NDST4: variants seen among roughly 807,000 people sequenced by gnomAD.
The protein encoded by NDST4 is N-heparan sulfate sulfotransferase 4.
NDST4 carries 63 observed loss-of-function variants against 100.8 expected under a neutral mutation model. The ratio of observed to expected loss-of-function variants is 0.62; its 90% CI spans 0.51 to 0.77. The LOEUF (loss-of-function observed/expected upper bound fraction) is 0.77. NDST4 is among the 30% of genes least tolerant of loss of function. The pLI is 0.00. For missense variants in NDST4, 943 were observed against 1,018.4 expected (o/e 0.93, Z 1.01); for synonymous variants, 377 against 361.8 (o/e 1.04, Z -0.48).
chr4:114,833,037 A>G (rs1044355321), intron 12 of NDST4, among the ~76,000 whole-genome samples: 2 of 152,236 alleles, frequency 1.3e-5, no homozygotes, highest in African/African-American at 4.8e-5. Context: ...ATCCTTCTGT[A>G]TCCTGTCTAA....
At position 114,967,907 on chromosome 4, in the gene NDST4, G is replaced by A. The variant is rs536116231; in HGVS notation, c.1221+2523C>T. Reference sequence around the variant, plus strand: ...TACTGTGTGCCAGCCGCTGCTCTAAGCACATTATGTATATCCTCCCAGCAA... The same window carrying A: ...TACTGTGTGCCAGCCGCTGCTCTAAACACATTATGTATATCCTCCCAGCAA... On this transcript the variant is annotated intron_variant, in intron 4 of 13. Transcript: ENST00000264363. Among the ~76,000 whole-genome samples the A allele has an allele frequency of 2.0e-5, 3 of 152,204 alleles. No homozygotes were observed. The South Asian group carries it at 6.2e-4, about 32-fold the overall frequency.
intron 6 of NDST4, among the ~76,000 whole-genome samples, chr4:114,890,969 C>G (rs1453582145): frequency 6.6e-6 from 1 of 152,034 alleles, no homozygotes; most frequent in Non-Finnish European, 1.5e-5. Context: ...CAGGAACTGA[C>G]TCATTAGTTC....
chr4:114,991,536 T>C (rs983779357), intron 2 of NDST4, among the ~76,000 whole-genome samples: 4 of 152,048 alleles, frequency 2.6e-5, no homozygotes, highest in African/African-American at 9.7e-5. Context: ...GGAATACACA[T>C]TGTATATTCA....
intron 3 of NDST4, among the ~76,000 whole-genome samples, chr4:114,973,680 C>T (rs1244218544): frequency 6.6e-6 from 1 of 151,548 alleles, no homozygotes; most frequent in African/African-American, 2.4e-5. Context: ...TTTAAGTCTG[C>T]CAAAATAAGA....
chr4:115,098,026 C>G (rs1729655402), intron 1 of NDST4, among the ~76,000 whole-genome samples: 1 of 152,142 alleles, frequency 6.6e-6, no homozygotes, highest in African/African-American at 2.4e-5. Context: ...AAATTGCAAG[C>G]TCCCTCCTTA....
intron 1 of NDST4, among the ~76,000 whole-genome samples, chr4:115,103,002 C>T (rs567182813): frequency 6.6e-6 from 1 of 152,030 alleles, no homozygotes; most frequent in African/African-American, 2.4e-5. Flanking sequence ...GCCACTGCTC[C>T]CAGCCCCACT....
At chr4:114,874,208 G>C (rs2126198186) in intron 6 of NDST4, among the ~76,000 whole-genome samples, 1 of 152,198 alleles carries the variant, frequency 6.6e-6, no homozygotes, top group Non-Finnish European at 1.5e-5. Context: ...TATATCATAA[G>C]CAGATGTATA....
chr4:115,016,877 G>A lies in NDST4; in HGVS notation c.979-39603C>T, dbSNP rs540169478. Among the ~76,000 whole-genome samples, 5 of 152,122 alleles carry A rather than the reference G, an allele frequency of 3.3e-5. No individual in the cohort carries two copies. In the East Asian group the frequency reaches 9.7e-4, roughly 29 times the overall value. Reference sequence around the variant, plus strand: ...GCTTGCTGAAGGCAAAAAGTATATAGAATGGGCAGTAGAAGAAGGTAGTGA... The same window carrying A: ...GCTTGCTGAAGGCAAAAAGTATATAAAATGGGCAGTAGAAGAAGGTAGTGA... On this transcript the variant is annotated intron_variant, in intron 2 of 13. Coordinates refer to ENST00000264363, the MANE Select transcript of NDST4 (RefSeq NM_022569.3).
intron 2 of NDST4, among the ~76,000 whole-genome samples, chr4:115,044,430 G>A (rs1728421725): frequency 6.6e-6 from 1 of 152,048 alleles, no homozygotes; most frequent in Non-Finnish European, 1.5e-5. Context: ...TAGGGCACAA[G>A]CCCATGTTAA....
intron 1 of NDST4, among the ~76,000 whole-genome samples, chr4:115,091,606 A>G (rs1035712212): frequency 1.3e-5 from 2 of 152,118 alleles, no homozygotes; most frequent in Non-Finnish European, 2.9e-5. Flanking sequence ...TATTGTTCAT[A>G]GTTATATTTT....
At chr4:114,917,237 A>G (rs537081783) in intron 6 of NDST4, among the ~76,000 whole-genome samples, 5 of 152,290 alleles carry the variant, frequency 3.3e-5, no homozygotes, top group African/African-American at 1.2e-4. Flanking sequence ...AAGTGTGTAC[A>G]TATTCAGCAC....
intron 1 of NDST4, among the ~76,000 whole-genome samples, chr4:115,099,622 C>T (rs1729690297): frequency 6.6e-6 from 1 of 152,074 alleles, no homozygotes; most frequent in Admixed American, 6.6e-5. Flanking sequence ...GATGCCAGTA[C>T]ACACCTTTTA....
chr4:115,083,760 G>T (rs1463473049), intron 1 of NDST4, among the ~76,000 whole-genome samples: 1 of 152,028 alleles, frequency 6.6e-6, no homozygotes, highest in African/African-American at 2.4e-5. Context: ...TCCCCCCTTT[G>T]TTCAGCACTC....
At chr4:115,018,637 A>G (rs1320716263) in intron 2 of NDST4, among the ~76,000 whole-genome samples, 1 of 151,966 alleles carries the variant, frequency 6.6e-6, no homozygotes, top group African/African-American at 2.4e-5. Context: ...GACCTTGGGC[A>G]GAGTTTTACA....
chr4:114,845,521 CT>C (rs1383332945), intron 10 of NDST4, among the ~76,000 whole-genome samples: 1 of 152,122 alleles, frequency 6.6e-6, no homozygotes, highest in Admixed American at 6.5e-5. Flanking sequence ...TAGAAACTGA[CT>C]TTTAAATTTG....
At chr4:114,969,955 T>C (rs1010079806) in intron 4 of NDST4, among the ~76,000 whole-genome samples, 2 of 152,232 alleles carry the variant, frequency 1.3e-5, no homozygotes, top group Non-Finnish European at 2.9e-5. Flanking sequence ...TCTCTTTTCC[T>C]CTGCAACCTT....
intron 6 of NDST4, among the ~76,000 whole-genome samples, chr4:114,871,616 C>A (rs529254294): frequency 2.2e-4 from 33 of 152,098 alleles, no homozygotes; most frequent in Admixed American, 4.6e-4. Flanking sequence ...TTATTACAAA[C>A]ATAATCTAAT....
chr4:114,941,994 AT>A (rs1355687873), intron 4 of NDST4, among the ~76,000 whole-genome samples: 1 of 152,204 alleles, frequency 6.6e-6, no homozygotes, highest in African/African-American at 2.4e-5. Context: ...CAGAGGAAAA[AT>A]TTGGTAAAAC....
intron 2 of NDST4, among the ~76,000 whole-genome samples, chr4:115,040,044 T>A (rs1728318061): frequency 6.6e-6 from 1 of 151,944 alleles, no homozygotes; most frequent in Non-Finnish European, 1.5e-5. Flanking sequence ...TTTTGATGAA[T>A]AAATAAATTT....
Sources: allele counts gnomAD v4.1 joint callset (sites outside exome capture counted in the v4.1 genomes callset), GRCh38; gene constraint gnomAD v4.1.1; transcripts MANE v1.5; gene names NCBI Gene and HGNC (gene_info 2026-07-23, HGNC 2026-07-21).